CCDC146: variants seen among roughly 807,000 people sequenced by gnomAD.
CCDC146 encodes the protein coiled-coil domain-containing protein 146.
Under a neutral mutation model 119.3 loss-of-function variants are expected in CCDC146, and 92 were observed. The ratio of observed to expected loss-of-function variants is 0.77; its 90% CI spans 0.65 to 0.92. The LOEUF (loss-of-function observed/expected upper bound fraction) is 0.92. Ranked by LOEUF, CCDC146 falls within the 40% of genes least tolerant of loss-of-function variation. The probability of loss-of-function intolerance (pLI) is 0.00; values close to 1 mark genes in which losing one functional copy is unlikely to be tolerated. For missense variants in CCDC146, 1,000 were observed against 1,103.0 expected (o/e 0.91, Z 1.32); for synonymous variants, 372 against 371.8 (o/e 1.00, Z -0.01).
chr7:77,290,415 G>A (rs1202266768), intron 17 of CCDC146, among the ~76,000 whole-genome samples: 1 of 152,034 alleles, frequency 6.6e-6, no homozygotes, highest in African/African-American at 2.4e-5. Context: ...AAAAAAAAGT[G>A]TGCCGTGGTT....
intron 2 of CCDC146, among the ~76,000 whole-genome samples, chr7:77,187,473 C>A (rs1033813662): frequency 6.6e-6 from 1 of 152,192 alleles, no homozygotes; most frequent in Non-Finnish European, 1.5e-5. Flanking sequence ...AAAATTTCCC[C>A]TTTTTGGCCA....
intron 2 of CCDC146, among the ~76,000 whole-genome samples, chr7:77,183,838 A>G (rs961657748): frequency 1.3e-5 from 2 of 152,100 alleles, no homozygotes; most frequent in African/African-American, 4.8e-5. Flanking sequence ...GTCCTTGTAA[A>G]CTCTTAGCTC....
At chr7:77,194,208 T>C (rs1249606376) in intron 2 of CCDC146, 1 of 152,096 alleles carries the variant, frequency 6.6e-6, no homozygotes. Flanking sequence ...TAGAACTATG[T>C]TTTGTGATAA....
At chr7:77,153,555 A>C (rs989161965) in intron 1 of CCDC146, among the ~76,000 whole-genome samples, 1 of 148,900 alleles carries the variant, frequency 6.7e-6, no homozygotes, top group Non-Finnish European at 1.5e-5. Flanking sequence ...AATATCAATC[A>C]TTAAGAAAAT....
chr7:77,275,660 C>T (rs1793621217), intron 11 of CCDC146, among the ~76,000 whole-genome samples: 1 of 152,182 alleles, frequency 6.6e-6, no homozygotes, highest in South Asian at 2.1e-4. Flanking sequence ...TTCATCAAGA[C>T]AGCATCATTT....
chr7:77,253,108 C>G (rs1793108266), intron 4 of CCDC146, among the ~76,000 whole-genome samples: 1 of 151,916 alleles, frequency 6.6e-6, no homozygotes, highest in Admixed American at 6.6e-5. Flanking sequence ...CCCACCTGGA[C>G]TGCTTATGAG....
chr7:77,250,292 T>C (rs1793033355), intron 4 of CCDC146, among the ~76,000 whole-genome samples: 1 of 152,238 alleles, frequency 6.6e-6, no homozygotes, highest in African/African-American at 2.4e-5. Flanking sequence ...TTCATTTGTG[T>C]AGAACTGAGT....
chr7:77,206,833 T>G (rs1792091124), intron 2 of CCDC146, among the ~76,000 whole-genome samples: 1 of 151,908 alleles, frequency 6.6e-6, no homozygotes, highest in South Asian at 2.1e-4. Context: ...GCTTAGAAAT[T>G]TGTTTTAATA....
intron 2 of CCDC146, among the ~76,000 whole-genome samples, chr7:77,204,974 A>G (rs1160673589): frequency 1.3e-5 from 2 of 152,186 alleles, no homozygotes; most frequent in Non-Finnish European, 1.5e-5. Context: ...TAAAAATTAG[A>G]TGGGCATGCT....
intron 1 of CCDC146, among the ~76,000 whole-genome samples, chr7:77,142,241 A>G (rs1790944014): frequency 1.3e-5 from 2 of 152,184 alleles, no homozygotes; most frequent in African/African-American, 2.4e-5. Flanking sequence ...AGAAAGAAAG[A>G]AAGGGTATTC....
At chr7:77,293,512 A>G (rs17151236) in intron 18 of CCDC146, among the ~76,000 whole-genome samples, 35,734 of 152,066 alleles carry the variant, frequency 0.23, 4,936 homozygotes, top group African/African-American at 0.37. Flanking sequence ...GGCCTTGTCC[A>G]TAAGTCTCCA....
At chr7:77,244,683 T>C (rs1343372063) in intron 4 of CCDC146, among the ~76,000 whole-genome samples, 2 of 152,240 alleles carry the variant, frequency 1.3e-5, no homozygotes, top group Non-Finnish European at 2.9e-5. Flanking sequence ...CACTCCGTGA[T>C]GTTCACACAA....
chr7:77,247,473 C>G (rs1424298944), intron 4 of CCDC146, among the ~76,000 whole-genome samples: 1 of 152,166 alleles, frequency 6.6e-6, no homozygotes, highest in Non-Finnish European at 1.5e-5. Context: ...TATGCAAGCT[C>G]TAAAAGCAAA....
Position 77,278,960 on chromosome 7 carries a change from A to G in CCDC146, c.1553A>G (p.Tyr518Cys), listed in dbSNP as rs778427479. 59 of 1,611,598 alleles carry G rather than the reference A, an allele frequency of 3.7e-5. No homozygotes were observed. The highest frequency in any genetic ancestry group is 1.6e-4 in the Middle Eastern group (1 of 6,080). Residue 518 changes from tyrosine (Y) to cysteine (C), a missense_variant, in exon 13 of 19, where the codon TAT becomes TGT. This residue lies in a region of CCDC146 where 985 missense variants were observed against 1,045.3 expected (regional missense o/e 0.94). Transcript: ENST00000285871. ...AGACTGAGAGAGTTTGCTAAACTGTATGACACCATTCGAAATGAAAGAAAC... is the reference window on the plus strand; with the variant it reads ...AGACTGAGAGAGTTTGCTAAACTGTGTGACACCATTCGAAATGAAAGAAAC... ...YRRLREFAKL[Y>C]DTIRNERNKF... is the part of the protein sequence containing the mutation.
chr7:77,293,919 C>G (rs1433490785), intron 18 of CCDC146, among the ~76,000 whole-genome samples: 3 of 152,222 alleles, frequency 2.0e-5, no homozygotes, highest in Non-Finnish European at 4.4e-5. Context: ...ATTCAGAACA[C>G]ACTAGGAATA....
intron 2 of CCDC146, among the ~76,000 whole-genome samples, chr7:77,184,177 T>C (rs1189368848): frequency 6.6e-6 from 1 of 152,222 alleles, no homozygotes; most frequent in Non-Finnish European, 1.5e-5. Flanking sequence ...TGAAACCTCA[T>C]GATACAGAAA....
At chr7:77,222,729 G>T (rs1216244501) in intron 2 of CCDC146, among the ~76,000 whole-genome samples, 1 of 152,218 alleles carries the variant, frequency 6.6e-6, no homozygotes, top group Admixed American at 6.5e-5. Context: ...TGTAGCCCTT[G>T]TATGAGAGAT....
Position 77,280,575 on chromosome 7 carries a change from A to G in CCDC146, c.1841A>G (p.Asn614Ser), listed in dbSNP as rs763588328. ...AQLNNIDRLA[N>S]TITMIEEEMV... ...TTAAATAACATTGACAGACTTGCCA[A>G]CACGATCACAATGATCGAAGAGGAG... The change falls in exon 14 of 19, where the codon AAC (asparagine) becomes AGC (serine). Residue 614 changes from asparagine (N) to serine (S), a missense_variant. By Grantham distance (46) the Asn-to-Ser change is conservative (BLOSUM62 1). Coordinates refer to ENST00000285871, the MANE Select transcript of CCDC146 (RefSeq NM_020879.3). 19 of 1,614,060 alleles carry G rather than the reference A, an allele frequency of 1.2e-5. No homozygotes were observed. The highest frequency in any genetic ancestry group is 7.7e-5 in the South Asian group (7 of 91,076).
chr7:77,249,567 GTC>G (rs1793019549), intron 4 of CCDC146, among the ~76,000 whole-genome samples: 2 of 146,258 alleles, frequency 1.4e-5, no homozygotes, highest in Admixed American at 1.4e-4. Flanking sequence ...GCCCCTCTTT[GTC>G]TCTGATAACT....
Sources: gnomAD v4.1 joint callset for allele counts (sites outside exome capture counted in the v4.1 genomes callset) on GRCh38, gnomAD v4.1.1 for gene constraint, gnomAD v4.1.1 regional missense constraint, MANE v1.5 for transcripts, NCBI Gene and HGNC (gene_info 2026-07-23, HGNC 2026-07-21) for gene names.